The following THSD7B variants were observed in gnomAD, a reference collection of about 807,000 sequenced individuals.
The protein encoded by THSD7B is thrombospondin type 1 domain containing 7B, also known as thrombospondin type-1 domain-containing protein 7B.
Under a neutral mutation model 213.6 loss-of-function variants are expected in THSD7B, and 138 were observed. The ratio of observed to expected loss-of-function variants is 0.65; its 90% CI spans 0.56 to 0.74. The LOEUF is 0.74. Among genes scored for constraint, THSD7B ranks in the 30% least tolerant of loss-of-function variants. The pLI is 0.00. For missense variants in THSD7B, 1,931 were observed against 1,991.5 expected (o/e 0.97, Z 0.58); for synonymous variants, 742 against 687.0 (o/e 1.08, Z -1.25).
chr2:137,096,207 G>A (rs1476145825), intron 4 of THSD7B, among the ~76,000 whole-genome samples: 2 of 152,106 alleles, frequency 1.3e-5, no homozygotes, highest in South Asian at 2.1e-4. Flanking sequence ...TTCAAGATAG[G>A]CATTTTTCTT....
intron 5 of THSD7B, among the ~76,000 whole-genome samples, chr2:137,120,655 CTTGA>C (rs1688529664): frequency 6.6e-6 from 1 of 152,146 alleles, no homozygotes; most frequent in African/African-American, 2.4e-5. Context: ...GAGTTTAGGA[CTTGA>C]TAGCCATTTC....
At chr2:137,468,797 TG>T (rs1356553866) in intron 15 of THSD7B, among the ~76,000 whole-genome samples, 30 of 152,180 alleles carry the variant, frequency 2.0e-4, no homozygotes. Context: ...GGATTCTTTA[TG>T]GTGTTTACAT....
intron 12 of THSD7B, among the ~76,000 whole-genome samples, chr2:137,370,228 T>C (rs951107436): frequency 6.6e-5 from 10 of 152,136 alleles, no homozygotes; most frequent in African/African-American, 2.4e-4. Flanking sequence ...TTTAATCTGT[T>C]TTATTCACTC....
chr2:137,451,468 C>G lies in THSD7B; in HGVS notation c.3138+445C>G, dbSNP rs149791170. ...AAATGGTGTTCTATTTTTGTTTCAC[C>G]TAACACTTTATCCTAATGTTTTTCA... On this transcript the variant is annotated intron_variant, in intron 15 of 27. Coordinates refer to ENST00000409968, the MANE Select transcript of THSD7B (RefSeq NM_001316349.2). Among the ~76,000 whole-genome samples the G allele has an allele frequency of 6.2e-4, 94 of 151,984 alleles. 1 individual carries two copies. The highest frequency in any genetic ancestry group is 2.2e-3 in the African/African-American group (91 of 41,490).
At chr2:137,137,390 A>G (rs1322063621) in intron 5 of THSD7B, among the ~76,000 whole-genome samples, 2 of 152,226 alleles carry the variant, frequency 1.3e-5, no homozygotes, top group Non-Finnish European at 2.9e-5. Flanking sequence ...TAGTATGTAC[A>G]GTCAGGTACT....
At chr2:137,189,788 TC>T (rs1200962721) in intron 7 of THSD7B, among the ~76,000 whole-genome samples, 1 of 152,114 alleles carries the variant, frequency 6.6e-6, no homozygotes, top group Non-Finnish European at 1.5e-5. Flanking sequence ...CCTTCTCTCA[TC>T]TGCTATTTCA....
At chr2:136,998,679 G>T (rs1685941323) in intron 2 of THSD7B, among the ~76,000 whole-genome samples, 1 of 152,070 alleles carries the variant, frequency 6.6e-6, no homozygotes, top group Non-Finnish European at 1.5e-5. Context: ...GTGCATAGTT[G>T]CTTTCTTTCA....
intron 17 of THSD7B, among the ~76,000 whole-genome samples, chr2:137,581,989 G>A (rs1263842273): frequency 2.0e-5 from 3 of 151,632 alleles, no homozygotes; most frequent in Non-Finnish European, 1.5e-5. Flanking sequence ...CCAGCTGCTC[G>A]GGAGGCTGAG....
chr2:136,980,001 T>C (rs918137293), intron 2 of THSD7B, among the ~76,000 whole-genome samples: 3 of 152,198 alleles, frequency 2.0e-5, no homozygotes, highest in Non-Finnish European at 4.4e-5. Flanking sequence ...TAAAATTTTT[T>C]TTTTAAACAG....
At chr2:137,238,834 T>C (rs1221090379) in intron 9 of THSD7B, among the ~76,000 whole-genome samples, 2 of 151,348 alleles carry the variant, frequency 1.3e-5, no homozygotes, top group Admixed American at 6.6e-5. Context: ...ATTACAGGCG[T>C]GAGCCACCGC....
chr2:136,817,090 T>C (rs1682486551), intron 1 of THSD7B, among the ~76,000 whole-genome samples: 1 of 152,196 alleles, frequency 6.6e-6, no homozygotes, highest in African/African-American at 2.4e-5. Context: ...CATTCTTACC[T>C]GAGCCGAAAA....
At chr2:137,655,967 A>T (rs560794962) in intron 22 of THSD7B, among the ~76,000 whole-genome samples, 3 of 152,234 alleles carry the variant, frequency 2.0e-5, no homozygotes, top group African/African-American at 7.2e-5. Flanking sequence ...TCATCTAGAA[A>T]CTGTGATGTT....
intron 12 of THSD7B, among the ~76,000 whole-genome samples, chr2:137,395,407 T>G (rs1159627469): frequency 6.7e-6 from 1 of 150,106 alleles, no homozygotes; most frequent in Non-Finnish European, 1.5e-5. Context: ...TTTTTCTGCA[T>G]CTATTGAGAT....
intron 2 of THSD7B, among the ~76,000 whole-genome samples, chr2:136,998,667 ATGTGCATAGT>A (rs549275280): frequency 1.3e-5 from 2 of 152,260 alleles, no homozygotes; most frequent in African/African-American, 4.8e-5. Context: ...CCTAGCATAG[ATGTGCATAGT>A]TGCTTTCTTT....
intron 12 of THSD7B, among the ~76,000 whole-genome samples, chr2:137,325,649 A>T (rs754768610): frequency 3.3e-5 from 5 of 152,186 alleles, no homozygotes; most frequent in Non-Finnish European, 5.9e-5. Flanking sequence ...TACTCTACCC[A>T]TGTTAACTGA....
chr2:137,094,928 G>A lies in THSD7B; in HGVS notation c.1006G>A (p.Asp336Asn). Residue 336 changes from aspartate to asparagine, a missense_variant, in exon 4 of 28, where the codon GAC becomes AAC. Asp to Asn is a conservative substitution (Grantham distance 23). Coordinates refer to ENST00000409968, the MANE Select transcript of THSD7B (RefSeq NM_001316349.2). ...TGTTCAGTCCTGCATCATGCCCAAA[G>A]ACTGTGAAACCTCCCAGTGGTCCTC... ...LTVQSCIMPKDCETSQWSSWS... is the reference protein window; with the variant it reads ...LTVQSCIMPKNCETSQWSSWS... 6.2e-7 allele frequency: 1 copy of A among 1,613,726 alleles called. No homozygotes were observed.
At chr2:136,884,271 A>G (rs1683679563) in intron 2 of THSD7B, among the ~76,000 whole-genome samples, 2 of 152,336 alleles carry the variant, frequency 1.3e-5, no homozygotes, top group South Asian at 4.1e-4. Context: ...GGAACAAGGG[A>G]TTGTGCAGTG....
chr2:137,388,693 T>C (rs1685949166), intron 12 of THSD7B, among the ~76,000 whole-genome samples: 1 of 152,070 alleles, frequency 6.6e-6, no homozygotes, highest in Non-Finnish European at 1.5e-5. Flanking sequence ...TCTCATCCTC[T>C]GGTAACTCTC....
intron 15 of THSD7B, among the ~76,000 whole-genome samples, chr2:137,495,447 C>T (rs1679539213): frequency 6.6e-6 from 1 of 152,086 alleles, no homozygotes; most frequent in Admixed American, 6.5e-5. Flanking sequence ...ATTCCAAAAT[C>T]CAGGGAGGTC....
Sources: allele counts gnomAD v4.1 joint callset (sites outside exome capture counted in the v4.1 genomes callset), GRCh38; gene constraint gnomAD v4.1.1; transcripts MANE v1.5; gene names NCBI Gene and HGNC (gene_info 2026-07-23, HGNC 2026-07-21).